Variants in IMMP2L observed in about 807,000 individuals in gnomAD.
The protein encoded by IMMP2L is inner mitochondrial membrane peptidase subunit 2, also known as mitochondrial inner membrane protease subunit 2.
In IMMP2L, 18 loss-of-function variants were observed where a neutral mutation model predicts 19.3. The ratio of observed to expected loss-of-function variants is 0.93; its 90% CI spans 0.64 to 1.38. The LOEUF is 1.38. IMMP2L is among the 40% of genes most tolerant of loss of function. The pLI is 0.00. For synonymous variants in IMMP2L, 76 were observed against 73.0 expected, an observed-to-expected ratio of 1.04 and a Z score of -0.21; for missense variants, 233 against 218.2, an observed-to-expected ratio of 1.07 and a Z score of -0.43.
At chr7:111,350,046 C>A (rs1399542531) in intron 3 of IMMP2L, among the ~76,000 whole-genome samples, 5 of 151,540 alleles carry the variant, frequency 3.3e-5, no homozygotes, top group Non-Finnish European at 7.4e-5. Flanking sequence ...CAGCTCACTG[C>A]AACCTCCATC....
chr7:111,117,094 A>T (rs144099683), intron 3 of IMMP2L, among the ~76,000 whole-genome samples: 1 of 152,188 alleles, frequency 6.6e-6, no homozygotes, highest in Non-Finnish European at 1.5e-5. Context: ...CTAATTTGAT[A>T]GTCTTTAAAA....
rs904055561 is a variant in IMMP2L, at chr7:110,718,780, G to C, written c.409-55059C>G. 9.2e-5 allele frequency among the ~76,000 whole-genome samples: 14 copies of C among 152,244 alleles called. No individual in the cohort carries two copies. The East Asian group carries it at 2.7e-3, about 29-fold the overall frequency. ...TGGGTGTGGTTCCAAACTGAGGTGGGAGCCTCAGATGCAGATAGAGGTTGG... is the reference window on the plus strand; with the variant it reads ...TGGGTGTGGTTCCAAACTGAGGTGGCAGCCTCAGATGCAGATAGAGGTTGG... On this transcript the variant is annotated intron_variant, in intron 5 of 5. Transcript: ENST00000405709.
At chr7:110,713,413 C>A (rs191792175) in intron 5 of IMMP2L, among the ~76,000 whole-genome samples, 4 of 152,134 alleles carry the variant, frequency 2.6e-5, no homozygotes, top group Non-Finnish European at 4.4e-5. Context: ...TGTTTCCATA[C>A]GAATTTTAAA....
chr7:110,737,457 G>A (rs917573015), intron 5 of IMMP2L, among the ~76,000 whole-genome samples: 1 of 152,100 alleles, frequency 6.6e-6, no homozygotes, highest in South Asian at 2.1e-4. Flanking sequence ...AATCCTTCTG[G>A]GAATATAACT....
At chr7:111,388,443 T>C (rs1832003239) in intron 3 of IMMP2L, among the ~76,000 whole-genome samples, 1 of 152,094 alleles carries the variant, frequency 6.6e-6, no homozygotes, top group African/African-American at 2.4e-5. Flanking sequence ...CATATATTTT[T>C]AGATAATCAC....
At chr7:111,485,322 G>A (rs908454661) in intron 3 of IMMP2L, among the ~76,000 whole-genome samples, 2 of 151,890 alleles carry the variant, frequency 1.3e-5, no homozygotes, top group Non-Finnish European at 2.9e-5. Context: ...AGTTCAGGCC[G>A]GGCGCAGTGG....
chr7:111,218,222 T>C (rs1214253222), intron 3 of IMMP2L, among the ~76,000 whole-genome samples: 2 of 152,062 alleles, frequency 1.3e-5, no homozygotes, highest in East Asian at 3.9e-4. Flanking sequence ...GAAGTTTTCT[T>C]ATGCAAGACA....
rs539290737 is a variant in IMMP2L at position 110,982,782 on chromosome 7, T to C, written c.240-19217A>G. On this transcript the variant is annotated intron_variant, in intron 3 of 5. Coordinates refer to ENST00000405709, the MANE Select transcript of IMMP2L (RefSeq NM_032549.4). ...TCTACTTTCAACTACAACAAATGGA[T>C]AAAGGTATTTTTTGTAAGTAGGATC... Among the ~76,000 whole-genome samples, 3 of 152,240 alleles carry C rather than the reference T, an allele frequency of 2.0e-5. No individual in the cohort carries two copies. In the South Asian group the frequency reaches 6.2e-4, roughly 32 times the overall value.
intron 3 of IMMP2L, among the ~76,000 whole-genome samples, chr7:111,012,046 T>C (rs1386680722): frequency 6.6e-6 from 1 of 152,086 alleles, no homozygotes; most frequent in Non-Finnish European, 1.5e-5. Context: ...CCTGTCTATA[T>C]TGAGTAACAG....
intron 3 of IMMP2L, among the ~76,000 whole-genome samples, chr7:111,074,478 T>G (rs2129575704): frequency 6.6e-6 from 1 of 152,390 alleles, no homozygotes; most frequent in South Asian, 2.1e-4. Context: ...GTAAAATACA[T>G]GGGCACATGA....
At chr7:110,733,209 G>T (rs992770433) in intron 5 of IMMP2L, among the ~76,000 whole-genome samples, 9 of 152,282 alleles carry the variant, frequency 5.9e-5, no homozygotes, top group African/African-American at 1.9e-4. Context: ...CAGCTCTACA[G>T]GGTTGTCAGG....
intron 4 of IMMP2L, among the ~76,000 whole-genome samples, chr7:110,944,843 T>G (rs547487121): frequency 6.6e-6 from 1 of 152,028 alleles, no homozygotes; most frequent in African/African-American, 2.4e-5. Flanking sequence ...CCTAGAGAAA[T>G]TCTAACTTAT....
intron 3 of IMMP2L, among the ~76,000 whole-genome samples, chr7:111,060,306 C>T (rs367862305): frequency 2.0e-5 from 3 of 152,174 alleles, no homozygotes; most frequent in Non-Finnish European, 4.4e-5. Flanking sequence ...CTCAAGTTTG[C>T]ATTCCTTTAG....
intron 3 of IMMP2L, among the ~76,000 whole-genome samples, chr7:110,977,910 T>C (rs1242597633): frequency 6.6e-6 from 1 of 152,102 alleles, no homozygotes; most frequent in Non-Finnish European, 1.5e-5. Flanking sequence ...CTGGGAAATT[T>C]AATTGCTCCA....
At chr7:111,235,336 T>C (rs986971941) in intron 3 of IMMP2L, among the ~76,000 whole-genome samples, 12 of 151,912 alleles carry the variant, frequency 7.9e-5, no homozygotes, top group Non-Finnish European at 1.8e-4. Context: ...CCGAGCGTGG[T>C]GGTGGGCACC....
At chr7:111,208,275 G>T (rs368245705) in intron 3 of IMMP2L, among the ~76,000 whole-genome samples, 1 of 152,108 alleles carries the variant, frequency 6.6e-6, no homozygotes, top group Non-Finnish European at 1.5e-5. Context: ...AAATTTCATT[G>T]ATACAATTAT....
intron 3 of IMMP2L, among the ~76,000 whole-genome samples, chr7:111,358,009 T>C (rs1217541871): frequency 1.3e-5 from 2 of 151,896 alleles, no homozygotes; most frequent in African/African-American, 4.8e-5. Context: ...CTGGACTCTT[T>C]TGATACCCTA....
chr7:110,788,624 C>T (rs1037671465), intron 5 of IMMP2L, among the ~76,000 whole-genome samples: 2 of 151,824 alleles, frequency 1.3e-5, no homozygotes, highest in South Asian at 2.1e-4. Context: ...ATATATCCAA[C>T]TGTTTATTTG....
At chr7:111,183,302 A>T (rs1277522765) in intron 3 of IMMP2L, among the ~76,000 whole-genome samples, 1 of 152,110 alleles carries the variant, frequency 6.6e-6, no homozygotes, top group Non-Finnish European at 1.5e-5. Flanking sequence ...GTAAGCCTTT[A>T]TAAGGGATAT....
Sources: allele counts gnomAD v4.1 joint callset (sites outside exome capture counted in the v4.1 genomes callset), GRCh38; gene constraint gnomAD v4.1.1; transcripts MANE v1.5; gene names NCBI Gene and HGNC (gene_info 2026-07-23, HGNC 2026-07-21).